The following PTPRM variants were observed in gnomAD, a reference collection of about 807,000 sequenced individuals.
The protein encoded by PTPRM is protein tyrosine phosphatase receptor type M.
In PTPRM, 47 loss-of-function variants were observed where a neutral mutation model predicts 186.7. The ratio of observed to expected loss-of-function variants is 0.25; its 90% CI spans 0.20 to 0.32. The LOEUF is 0.32. PTPRM is among the 10% of genes least tolerant of loss of function. PTPRM has a pLI of 1.00. For missense variants in PTPRM, 1,494 were observed against 1,865.0 expected, an observed-to-expected ratio of 0.80 and a Z score of 3.66; for synonymous variants, 668 against 674.9, an observed-to-expected ratio of 0.99 and a Z score of 0.16.
chr18:8,118,508 T>C (rs1047421336), intron 13 of PTPRM, among the ~76,000 whole-genome samples: 1 of 152,132 alleles, frequency 6.6e-6, no homozygotes, highest in Non-Finnish European at 1.5e-5. Flanking sequence ...CTTAAATCAT[T>C]ATGAGATTTG....
At chr18:7,767,271 C>T (rs1253590585) in intron 1 of PTPRM, among the ~76,000 whole-genome samples, 2 of 152,088 alleles carry the variant, frequency 1.3e-5, no homozygotes, top group African/African-American at 4.8e-5. Flanking sequence ...CTAGAACCTC[C>T]TTTTAGAACA....
chr18:7,617,324 G>A (rs1340255113), intron 1 of PTPRM, among the ~76,000 whole-genome samples: 2 of 152,166 alleles, frequency 1.3e-5, no homozygotes, highest in Non-Finnish European at 2.9e-5. Flanking sequence ...ACTCCTCCTC[G>A]ATGTTCAGGT....
intron 29 of PTPRM, among the ~76,000 whole-genome samples, chr18:8,380,854 C>T (rs910499017): frequency 3.0e-4 from 45 of 152,128 alleles, no homozygotes; most frequent in African/African-American, 1.1e-3. Flanking sequence ...CCTGGAGTGA[C>T]TGTGTGCTTC....
intron 14 of PTPRM, among the ~76,000 whole-genome samples, chr18:8,152,034 A>G (rs1378980899): frequency 6.6e-6 from 1 of 152,098 alleles, no homozygotes; most frequent in African/African-American, 2.4e-5. Context: ...CTCAGTTGGA[A>G]ATGCAGAAAT....
intron 14 of PTPRM, among the ~76,000 whole-genome samples, chr18:8,211,144 T>C (rs2093998162): frequency 6.6e-6 from 1 of 152,062 alleles, no homozygotes; most frequent in Non-Finnish European, 1.5e-5. Flanking sequence ...TTAGAAGACT[T>C]GGGCTATCGA....
At chr18:8,253,521 G>C in intron 19 of PTPRM, 107 bp downstream of exon 19, 1 of 1,052,326 alleles carries the variant, frequency 9.5e-7, no homozygotes. Flanking sequence ...CCTGCCCCGA[G>C]AGATGCCAGA....
Position 8,319,206 on chromosome 18 carries a change from C to A in PTPRM, c.2948C>A (p.Ala983Asp). ...TATCATCGACCCAATCATTACATTG[C>A]TACCCAAGGTAAGTTTATTTCTACT... ...DGYHRPNHYI[A>D]TQGPMQETIY... is the part of the protein sequence containing the mutation. Residue 983 changes from alanine (A) to aspartate (D), a missense_variant, in exon 22 of 33, where the codon GCT becomes GAT. By Grantham distance (126) the Ala-to-Asp change is moderately radical (BLOSUM62 -2). Coordinates refer to ENST00000580170, the MANE Select transcript of PTPRM (RefSeq NM_001105244.2). 1 of 1,558,726 alleles carries A rather than the reference C, an allele frequency of 6.4e-7. No homozygotes were observed. The highest frequency in any genetic ancestry group is 8.8e-7 in the Non-Finnish European group (1 of 1,133,846).
intron 1 of PTPRM, among the ~76,000 whole-genome samples, chr18:7,605,549 A>C (rs1336555765): frequency 6.6e-6 from 1 of 152,076 alleles, no homozygotes; most frequent in African/African-American, 2.4e-5. Context: ...GGTGAAAATG[A>C]GCTCGTCTTT....
rs114684623 is a variant in PTPRM, at chr18:8,215,591, G to A, written c.2301-28467G>A. The stretch of plus-strand genomic sequence containing the variant: ...TGAGACAAGATCTGTCGCCCAGGCC[G>A]GAGTGCAGTGGTATGATCTCAGCTC... On this transcript the variant is annotated intron_variant, in intron 14 of 32. Coordinates refer to ENST00000580170, the MANE Select transcript of PTPRM (RefSeq NM_001105244.2). 3.5e-3 allele frequency among the ~76,000 whole-genome samples: 505 copies of A among 143,176 alleles called. 1 individual carries two copies. The highest frequency in any genetic ancestry group is 0.011 in the African/African-American group (440 of 38,426). 93.9% of individuals were successfully genotyped at this position (143,176 alleles called of 152,430 possible).
intron 22 of PTPRM, among the ~76,000 whole-genome samples, chr18:8,321,239 A>T (rs1264405377): frequency 6.6e-6 from 1 of 152,178 alleles, no homozygotes; most frequent in Non-Finnish European, 1.5e-5. Context: ...TCTCTCCAAT[A>T]ACTTGATTAG....
chr18:8,222,845 A>T (rs1161745924), intron 14 of PTPRM, among the ~76,000 whole-genome samples: 1 of 152,154 alleles, frequency 6.6e-6, no homozygotes, highest in African/African-American at 2.4e-5. Flanking sequence ...ATCCCAGCTG[A>T]TCAGAAGGCT....
intron 19 of PTPRM, among the ~76,000 whole-genome samples, chr18:8,289,587 T>TACACATATATATATACATATATATAC (rs2095016212): frequency 1.0e-5 from 1 of 95,732 alleles, no homozygotes; most frequent in Non-Finnish European, 2.1e-5. Context: ...CATATATATA[T>TACACATATATATATACATATATATAC]ACACATATAT....
intron 14 of PTPRM, among the ~76,000 whole-genome samples, chr18:8,230,016 T>C (rs2147145962): frequency 6.6e-6 from 1 of 152,330 alleles, no homozygotes; most frequent in East Asian, 1.9e-4. Flanking sequence ...TAAAGCGATA[T>C]GTGAATAAAA....
chr18:7,912,914 T>C (rs1227101867), intron 4 of PTPRM, among the ~76,000 whole-genome samples: 1 of 152,184 alleles, frequency 6.6e-6, no homozygotes, highest in Non-Finnish European at 1.5e-5. Flanking sequence ...GTTGAATCTG[T>C]AGACTGGTTT....
intron 17 of PTPRM, chr18:8,248,420 A>G (rs965605920): frequency 1.7e-6 from 1 of 572,804 alleles, no homozygotes; most frequent in South Asian, 1.9e-5. Flanking sequence ...CAAATGAACA[A>G]TCTCAGCCCC....
chr18:8,308,653 C>T (rs144616091), intron 20 of PTPRM, among the ~76,000 whole-genome samples: 146 of 152,132 alleles, frequency 9.6e-4, no homozygotes, highest in African/African-American at 3.2e-3. Context: ...TAGGATTAGC[C>T]TCATGTGGCT....
intron 19 of PTPRM, among the ~76,000 whole-genome samples, chr18:8,277,852 G>A (rs1358072458): frequency 6.6e-6 from 1 of 152,188 alleles, no homozygotes; most frequent in Non-Finnish European, 1.5e-5. Context: ...GCAGTGAGGT[G>A]CCTTTGAAGA....
chr18:7,734,008 T>C (rs1013166746), intron 1 of PTPRM, among the ~76,000 whole-genome samples: 48 of 152,186 alleles, frequency 3.2e-4, no homozygotes, highest in Non-Finnish European at 1.5e-4. Flanking sequence ...TTACCTACCA[T>C]AGAGATGAAG....
intron 14 of PTPRM, among the ~76,000 whole-genome samples, chr18:8,184,531 C>T (rs765589505): frequency 2.0e-4 from 31 of 152,036 alleles, no homozygotes; most frequent in Admixed American, 1.8e-3. Flanking sequence ...AGCCTCGGCC[C>T]GAGCCCATAT....
Sources: allele counts gnomAD v4.1 joint callset (sites outside exome capture counted in the v4.1 genomes callset), GRCh38; gene constraint gnomAD v4.1.1; transcripts MANE v1.5; gene names NCBI Gene and HGNC (gene_info 2026-07-23, HGNC 2026-07-21).